Variants in ZNF469 observed in about 807,000 individuals in gnomAD.
ZNF469 encodes zinc finger protein 469.
ZNF469 carries 1 observed loss-of-function variant against 1.0 expected under a neutral mutation model. The observed-to-expected ratio is 1.00, with a 90% CI of 0.35 to 4.73. The LOEUF (loss-of-function observed/expected upper bound fraction) is 4.73, where lower values mean the gene tolerates loss of function less well. Ranked by LOEUF, ZNF469 falls within the 30% of genes most tolerant of loss-of-function variation. ZNF469 has a pLI of 0.16. For missense variants in ZNF469, 6,100 were observed against 5,356.3 expected (o/e 1.14, Z -4.33); for synonymous variants, 2,703 against 2,363.4 (o/e 1.14, Z -4.17).
At chr16:88,390,234 C>T (rs1384752612) in intron 1 of ZNF469, among the ~76,000 whole-genome samples, 1 of 152,152 alleles carries the variant, frequency 6.6e-6, no homozygotes, top group Admixed American at 6.5e-5. Context: ...CACAGTGGGC[C>T]CAGCGGGTCC....
chr16:88,359,794 G>A, the ZNF469 span, among the ~76,000 whole-genome samples: 6 of 152,234 alleles, frequency 3.9e-5, no homozygotes, highest in South Asian at 2.1e-4. Context: ...TAGAAAGCTC[G>A]AAAGAATTCT....
chr16:88,129,482 T>C, the ZNF469 span, among the ~76,000 whole-genome samples: 1 of 152,214 alleles, frequency 6.6e-6, no homozygotes, highest in Non-Finnish European at 1.5e-5. Flanking sequence ...TTTATGCAAA[T>C]ATCTGTTTCT....
the ZNF469 span, among the ~76,000 whole-genome samples, chr16:88,169,117 G>T: frequency 6.6e-6 from 1 of 152,092 alleles, no homozygotes; most frequent in South Asian, 2.1e-4. The surrounding 1 kb of genome is among the most constrained non-coding windows in gnomAD (Gnocchi z 6.1). Flanking sequence ...GGGTGGGAGG[G>T]TCAGCTGTGA....
the ZNF469 span, among the ~76,000 whole-genome samples, chr16:88,247,990 A>G: frequency 6.6e-6 from 1 of 152,158 alleles, no homozygotes; most frequent in African/African-American, 2.4e-5. Flanking sequence ...ACGCGGCTGG[A>G]CGGAAGGCTA....
the ZNF469 span, among the ~76,000 whole-genome samples, chr16:88,340,580 G>C: frequency 6.6e-6 from 1 of 152,198 alleles, no homozygotes; most frequent in Non-Finnish European, 1.5e-5. Context: ...CAGCCAGAAA[G>C]TCTCCCAGGG....
Position 88,432,894 on chromosome 16 carries a change from A to G in ZNF469, c.5424A>G (p.Ala1808=), listed in dbSNP as rs1451320157. 2 of 1,550,188 alleles carry G rather than the reference A, an allele frequency of 1.3e-6. No individual in the cohort carries two copies. The highest frequency in any genetic ancestry group is 2.7e-5 in the African/African-American group (2 of 73,028). ...CTGTCCATCTGGCCCCTGACTTGGC[A>G]TTTCAGGGTGACGGGGCTCCACCTC... ...SPAVHLAPDL[A]FQGDGAPPLD... The change falls in exon 3 of 3, where the codon GCA becomes GCG. Residue 1808 remains alanine, a synonymous_variant. Transcript: ENST00000565624.
At chr16:88,209,232 C>G in the ZNF469 span, among the ~76,000 whole-genome samples, 1 of 152,168 alleles carries the variant, frequency 6.6e-6, no homozygotes, top group Non-Finnish European at 1.5e-5. Flanking sequence ...CCTCCTGTGA[C>G]ATACACCGTC....
At chr16:88,121,579 G>A in the ZNF469 span, among the ~76,000 whole-genome samples, 8,305 of 152,230 alleles carry the variant, frequency 0.055, 353 homozygotes, top group East Asian at 0.22. Flanking sequence ...GCTGAAATCC[G>A]GCCCTGGGCC....
At chr16:88,269,715 A>G in the ZNF469 span, among the ~76,000 whole-genome samples, 1 of 151,928 alleles carries the variant, frequency 6.6e-6, no homozygotes, top group South Asian at 2.1e-4. Context: ...CTGCTGACCA[A>G]TCCCCCCAGC....
chr16:88,157,875 G>C, the ZNF469 span, among the ~76,000 whole-genome samples: 2 of 152,136 alleles, frequency 1.3e-5, no homozygotes, highest in East Asian at 3.9e-4. Flanking sequence ...GAGGATGCCT[G>C]GGTCTCTGCT....
the ZNF469 span, among the ~76,000 whole-genome samples, chr16:88,267,800 T>G: frequency 2.6e-5 from 4 of 151,854 alleles, no homozygotes; most frequent in African/African-American, 9.7e-5. Context: ...GTCGGGCTGT[T>G]TGGGATAATG....
the ZNF469 span, among the ~76,000 whole-genome samples, chr16:88,269,651 G>A: frequency 4.6e-5 from 7 of 151,958 alleles, no homozygotes; most frequent in Non-Finnish European, 8.8e-5. Context: ...TTACCGGGAC[G>A]CTTGTTTAAA....
the ZNF469 span, among the ~76,000 whole-genome samples, chr16:88,197,395 A>G: frequency 3.3e-5 from 5 of 152,182 alleles, no homozygotes; most frequent in Non-Finnish European, 5.9e-5. Flanking sequence ...GATTCTTAAT[A>G]TTTCTATTCT....
intron 1 of ZNF469, among the ~76,000 whole-genome samples, chr16:88,420,095 A>C (rs1905413092): frequency 6.6e-6 from 1 of 152,226 alleles, no homozygotes; most frequent in African/African-American, 2.4e-5. Context: ...TGGGGAAGAC[A>C]GGGCACATGC....
At chr16:88,109,854 C>T in the ZNF469 span, among the ~76,000 whole-genome samples, 2 of 151,976 alleles carry the variant, frequency 1.3e-5, no homozygotes, top group African/African-American at 4.8e-5. Context: ...CTGTCTCCTC[C>T]CTGGGATCAG....
chr16:88,190,581 G>A, the ZNF469 span, among the ~76,000 whole-genome samples: 1 of 152,164 alleles, frequency 6.6e-6, no homozygotes, highest in Admixed American at 6.5e-5. Flanking sequence ...ATCAGTGTTT[G>A]TACTAAGGGC....
chr16:88,197,520 G>A, the ZNF469 span, among the ~76,000 whole-genome samples: 20 of 152,334 alleles, frequency 1.3e-4, no homozygotes, highest in East Asian at 3.9e-4. Context: ...GGGATGGCAC[G>A]ATCAGTTTGC....
chr16:88,411,904 C>T (rs956550341), intron 1 of ZNF469, among the ~76,000 whole-genome samples: 1 of 10,484 alleles, frequency 9.5e-5, no homozygotes, highest in Non-Finnish European at 1.7e-4. Context: ...AGGGCCCCCA[C>T]CAGCCTGCCC....
chr16:88,217,101 T>TC, the ZNF469 span, among the ~76,000 whole-genome samples: 2 of 152,194 alleles, frequency 1.3e-5, no homozygotes, highest in Non-Finnish European at 2.9e-5. Flanking sequence ...TTCTCTTGGT[T>TC]TTTGGTCGTG....
Sources: gnomAD v4.1 joint callset for allele counts (sites outside exome capture counted in the v4.1 genomes callset) on GRCh38, gnomAD v4.1.1 for gene constraint, Gnocchi (gnomAD v3.1) non-coding constraint, MANE v1.5 for transcripts, NCBI Gene and HGNC (gene_info 2026-07-23, HGNC 2026-07-21) for gene names.